EXD1: variants seen among roughly 807,000 people sequenced by gnomAD.
EXD1 encodes piRNA biogenesis protein EXD1.
EXD1 carries 63 observed loss-of-function variants against 49.1 expected under a neutral mutation model. The ratio of observed to expected loss-of-function variants is 1.28; its 90% CI spans 1.05 to 1.58. The LOEUF is 1.58. Ranked by LOEUF, EXD1 falls within the 40% of genes most tolerant of loss-of-function variation. The pLI is 0.00. For synonymous variants in EXD1, 234 were observed against 239.2 expected (o/e 0.98, Z 0.20); for missense variants, 748 against 666.0 (o/e 1.12, Z -1.36).
Position 41,194,968 on chromosome 15 carries a change from GT to G in EXD1, c.720+806del, listed in dbSNP as rs201210740. Reference sequence around the variant, plus strand: ...AATAATTGGCCAACTTATTAGTTCAGTTTCTCTCCAAAGGCTCTAAGCTTGT... The same window carrying G: ...AATAATTGGCCAACTTATTAGTTCAGTTCTCTCCAAAGGCTCTAAGCTTGT... On this transcript the variant is annotated intron_variant, in intron 9 of 11. Coordinates refer to ENST00000458580, the MANE Select transcript of EXD1 (RefSeq NM_001286441.2). 1.4e-4 allele frequency among the ~76,000 whole-genome samples: 22 copies of G among 152,264 alleles called. No individual in the cohort carries two copies. The East Asian group carries it at 4.2e-3, about 29-fold the overall frequency.
rs1413466914 is a variant in EXD1 at position 41,183,692 on chromosome 15, G to T, written c.*239C>A. On this transcript the variant is annotated 3_prime_UTR_variant, in exon 12 of 12. Coordinates refer to ENST00000458580, the MANE Select transcript of EXD1 (RefSeq NM_001286441.2). ...CAAATTATGAAAAATAATGCACTCT[G>T]GTCACTGAGAACATTTCTACACAGT... 3 of 391,460 alleles carry T rather than the reference G, an allele frequency of 7.7e-6. No individual in the cohort carries two copies. The highest frequency in any genetic ancestry group is 1.3e-5 in the Non-Finnish European group (3 of 222,914). The allele number at this position is 391,460 out of a possible 1,614,324, so 24.2% of individuals were successfully genotyped here. A position where few individuals can be genotyped will look rare whatever the true frequency, so the allele number is the denominator to read the frequency against.
At chr15:41,207,236 G>A (rs780604197) in intron 7 of EXD1, among the ~76,000 whole-genome samples, 10 of 148,192 alleles carry the variant, frequency 6.7e-5, no homozygotes, top group African/African-American at 2.0e-4. Flanking sequence ...GTGAAACTCC[G>A]TCTCAAAAAA....
At chr15:41,224,522 A>G (rs1170446528) in intron 2 of EXD1, among the ~76,000 whole-genome samples, 1 of 152,172 alleles carries the variant, frequency 6.6e-6, no homozygotes. Flanking sequence ...ATTGGCAGAT[A>G]TGGAGGTACT....
rs1257290387 is a variant in EXD1, at chr15:41,199,820, GAT to G, written c.535-3785_535-3784del. Among the ~76,000 whole-genome samples the G allele has an allele frequency of 2.2e-3, 13 of 5,840 alleles. No homozygotes were observed. In the Non-Finnish European group the frequency reaches 0.023, roughly 10 times the overall value. The allele number at this position is 5,840 out of a possible 152,430, so 3.8% of individuals were successfully genotyped here. A position where few individuals can be genotyped will look rare whatever the true frequency, so the allele number is the denominator to read the frequency against. On this transcript the variant is annotated intron_variant, in intron 7 of 11. Transcript: ENST00000458580. ...ATATATATTATATATGTCATATATA[GAT>G]ATATGTCAATATATGATATATATAA... is the stretch of plus-strand genomic sequence containing the variant.
At chr15:41,209,870 T>C (rs185821527) in intron 6 of EXD1, among the ~76,000 whole-genome samples, 1 of 152,304 alleles carries the variant, frequency 6.6e-6, no homozygotes, top group East Asian at 1.9e-4. Context: ...CAGACACCTT[T>C]TGTTACCACT....
At chr15:41,192,636 A>G (rs2046544153) in intron 9 of EXD1, among the ~76,000 whole-genome samples, 1 of 78,994 alleles carries the variant, frequency 1.3e-5, no homozygotes, top group Non-Finnish European at 2.2e-5. Context: ...TTTTTTTGAG[A>G]TAGGGTCTTG....
intron 7 of EXD1, among the ~76,000 whole-genome samples, chr15:41,202,235 C>T (rs930374767): frequency 2.0e-5 from 3 of 151,500 alleles, no homozygotes; most frequent in Admixed American, 1.3e-4. Flanking sequence ...ATTGCAGTGG[C>T]GTGATCTCGG....
At chr15:41,209,286 G>A (rs968574746) in intron 7 of EXD1, among the ~76,000 whole-genome samples, 8 of 152,002 alleles carry the variant, frequency 5.3e-5, no homozygotes, top group Admixed American at 3.3e-4. Context: ...GTGGTGACAT[G>A]CATCTGTAGT....
At chr15:41,186,227 T>C (rs1278803380) in intron 11 of EXD1, among the ~76,000 whole-genome samples, 2 of 152,016 alleles carry the variant, frequency 1.3e-5, no homozygotes, top group Admixed American at 1.3e-4. Context: ...ATCCCAGCAC[T>C]TTGGGAGGCT....
chr15:41,205,161 T>C (rs1208638259), intron 7 of EXD1, among the ~76,000 whole-genome samples: 2 of 152,270 alleles, frequency 1.3e-5, no homozygotes, highest in East Asian at 3.9e-4. Flanking sequence ...AATCTGCCTT[T>C]TTGTGAGTTA....
At chr15:41,198,729 G>A (rs879915630) in intron 7 of EXD1, among the ~76,000 whole-genome samples, 1 of 151,010 alleles carries the variant, frequency 6.6e-6, no homozygotes, top group Non-Finnish European at 1.5e-5. Flanking sequence ...TTTTAAGACA[G>A]AGTTTCGTTC....
At chr15:41,188,461 C>T (rs754536372) in intron 11 of EXD1, among the ~76,000 whole-genome samples, 5 of 151,718 alleles carry the variant, frequency 3.3e-5, no homozygotes, top group African/African-American at 1.2e-4. Context: ...GGCAGAATCT[C>T]GGCTCACTGC....
chr15:41,187,100 T>C (rs1257319800), intron 11 of EXD1, among the ~76,000 whole-genome samples: 1 of 151,744 alleles, frequency 6.6e-6, no homozygotes, highest in African/African-American at 2.4e-5. Flanking sequence ...GTCAGGCTGG[T>C]ATCAAACTCC....
intron 9 of EXD1, 108 bp downstream of exon 9, chr15:41,195,667 A>G (rs1221733460): frequency 1.3e-6 from 1 of 770,276 alleles, no homozygotes; most frequent in African/African-American, 1.8e-5. Flanking sequence ...GAGCACCAAA[A>G]AAAAAAAAAA....
intron 7 of EXD1, among the ~76,000 whole-genome samples, chr15:41,197,521 G>C (rs887117993): frequency 6.6e-6 from 1 of 151,338 alleles, no homozygotes; most frequent in Non-Finnish European, 1.5e-5. Context: ...GAGCCACCAC[G>C]CCCGGCCAAT....
intron 11 of EXD1, among the ~76,000 whole-genome samples, chr15:41,188,121 A>G (rs1341273421): frequency 6.6e-6 from 1 of 152,158 alleles, no homozygotes; most frequent in Non-Finnish European, 1.5e-5. Context: ...TGTAAAGAAC[A>G]AAACAGCAAA....
chr15:41,215,226 G>A (rs1216198115), intron 6 of EXD1, among the ~76,000 whole-genome samples: 1 of 152,142 alleles, frequency 6.6e-6, no homozygotes, highest in Admixed American at 6.6e-5. Flanking sequence ...TAAAATAAAA[G>A]CACTTGTTTA....
At chr15:41,218,555 C>T (rs1395894092) in intron 3 of EXD1, among the ~76,000 whole-genome samples, 1 of 151,406 alleles carries the variant, frequency 6.6e-6, no homozygotes, top group African/African-American at 2.4e-5. Flanking sequence ...GCAATGAATT[C>T]CGTGCATACA....
chr15:41,227,619 G>GA (rs1290551300), intron 1 of EXD1, among the ~76,000 whole-genome samples: 1 of 147,404 alleles, frequency 6.8e-6, no homozygotes, highest in Non-Finnish European at 1.5e-5. Flanking sequence ...GCAGTGAGCC[G>GA]AGATTTAGAG....
Sources: gnomAD v4.1 joint callset for allele counts (sites outside exome capture counted in the v4.1 genomes callset) on GRCh38, gnomAD v4.1.1 for gene constraint, MANE v1.5 for transcripts, NCBI Gene and HGNC (gene_info 2026-07-23, HGNC 2026-07-21) for gene names.